The following PRKG1 variants were observed in gnomAD, a reference collection of about 807,000 sequenced individuals.
PRKG1 encodes the protein protein kinase cGMP-dependent 1.
Under a neutral mutation model 88.1 loss-of-function variants are expected in PRKG1, and 35 were observed. That is an observed-to-expected ratio of 0.40 (90% CI 0.30 to 0.53). PRKG1 has a LOEUF of 0.53. PRKG1 is among the 20% of genes least tolerant of loss of function. PRKG1 has a pLI of 0.59. For synonymous variants in PRKG1, 303 were observed against 292.5 expected, an observed-to-expected ratio of 1.04 and a Z score of -0.37; for missense variants, 540 against 839.8, an observed-to-expected ratio of 0.64 and a Z score of 4.41.
At chr10:51,179,886 C>A (rs1228998456) in intron 2 of PRKG1, among the ~76,000 whole-genome samples, 1 of 152,172 alleles carries the variant, frequency 6.6e-6, no homozygotes, top group Non-Finnish European at 1.5e-5. Context: ...TGAAAATAAT[C>A]ATAGTCCCTA....
At chr10:52,172,283 T>G (rs1317032122) in intron 9 of PRKG1, among the ~76,000 whole-genome samples, 1 of 152,224 alleles carries the variant, frequency 6.6e-6, no homozygotes, top group African/African-American at 2.4e-5. Flanking sequence ...TGCTGCTGAC[T>G]TGCTTGGTGA....
At chr10:51,216,336 CAT>C (rs1339815879) in intron 2 of PRKG1, among the ~76,000 whole-genome samples, 2 of 152,204 alleles carry the variant, frequency 1.3e-5, no homozygotes, top group East Asian at 1.9e-4. Context: ...ACTATGGACA[CAT>C]GTTATTGCTC....
At chr10:51,860,439 G>A (rs1840843401) in intron 4 of PRKG1, among the ~76,000 whole-genome samples, 1 of 152,196 alleles carries the variant, frequency 6.6e-6, no homozygotes, top group African/African-American at 2.4e-5. Flanking sequence ...CTGCCCAGAA[G>A]GAAGTGACAC....
intron 3 of PRKG1, among the ~76,000 whole-genome samples, chr10:51,655,884 C>G (rs1840149154): frequency 6.6e-6 from 1 of 152,016 alleles, no homozygotes; most frequent in Admixed American, 6.6e-5. Flanking sequence ...TAGACAGATA[C>G]TGAGTAAGAA....
intron 7 of PRKG1, among the ~76,000 whole-genome samples, chr10:52,115,239 G>GT (rs146497487): frequency 0.11 from 17,142 of 151,020 alleles, 1,215 homozygotes; most frequent in Non-Finnish European, 0.16. Context: ...TGGTAATCCT[G>GT]TTTTTTTTTA....
At chr10:51,613,526 G>C (rs1280825600) in intron 3 of PRKG1, among the ~76,000 whole-genome samples, 1 of 151,392 alleles carries the variant, frequency 6.6e-6, no homozygotes, top group African/African-American at 2.4e-5. Flanking sequence ...GTTCTGTTCT[G>C]ATCTTTATTA....
chr10:51,890,048 A>C (rs1333022755), intron 4 of PRKG1, among the ~76,000 whole-genome samples: 1 of 151,970 alleles, frequency 6.6e-6, no homozygotes, highest in Non-Finnish European at 1.5e-5. Context: ...GCTGTGCAGA[A>C]GCTCTTTAGT....
chr10:51,092,119 TGA>T, intron 1 of PRKG1, among the ~76,000 whole-genome samples: 2 of 152,286 alleles, frequency 1.3e-5, no homozygotes, highest in Middle Eastern at 6.8e-3. Context: ...AGATAAGCAC[TGA>T]TCCCTGAGGT....
At chr10:51,476,114 T>C (rs1588995963) in intron 3 of PRKG1, among the ~76,000 whole-genome samples, 1 of 152,050 alleles carries the variant, frequency 6.6e-6, no homozygotes. Context: ...CTTAGGTGGG[T>C]TGCATAACTC....
chr10:52,094,892 A>G (rs955873338), intron 7 of PRKG1, among the ~76,000 whole-genome samples: 2 of 152,178 alleles, frequency 1.3e-5, no homozygotes, highest in Admixed American at 6.5e-5. Flanking sequence ...GCTTCAACCT[A>G]TGAATTTGAG....
At chr10:51,705,968 C>T (rs1236671591) in intron 3 of PRKG1, among the ~76,000 whole-genome samples, 1 of 152,176 alleles carries the variant, frequency 6.6e-6, no homozygotes, top group Non-Finnish European at 1.5e-5. Flanking sequence ...CGCCTGGGCA[C>T]CATCTCCCTT....
intron 2 of PRKG1, among the ~76,000 whole-genome samples, chr10:51,448,200 A>T (rs1839330326): frequency 6.6e-6 from 1 of 151,944 alleles, no homozygotes; most frequent in Admixed American, 6.6e-5. Flanking sequence ...GTGAATCCTG[A>T]TCATGCCACT....
intron 1 of PRKG1, among the ~76,000 whole-genome samples, chr10:51,082,024 T>G (rs1844124316): frequency 6.6e-6 from 1 of 152,176 alleles, no homozygotes; most frequent in Non-Finnish European, 1.5e-5. Context: ...CCAAAGAAAG[T>G]GCTGGGAATA....
chr10:51,321,944 G>GT (rs1841468337), intron 2 of PRKG1, among the ~76,000 whole-genome samples: 1 of 152,098 alleles, frequency 6.6e-6, no homozygotes, highest in Non-Finnish European at 1.5e-5. Context: ...ACCACAGATG[G>GT]TAAGTCTTAG....
At chr10:51,817,933 CTT>C (rs1474534850) in intron 4 of PRKG1, among the ~76,000 whole-genome samples, 2 of 152,072 alleles carry the variant, frequency 1.3e-5, no homozygotes, top group Non-Finnish European at 2.9e-5. Context: ...AAAGGTAAGA[CTT>C]ATGTATAAAC....
intron 3 of PRKG1, among the ~76,000 whole-genome samples, chr10:51,529,674 C>T (rs1841968792): frequency 6.7e-6 from 1 of 148,674 alleles, no homozygotes; most frequent in East Asian, 2.0e-4. Flanking sequence ...AATAGCAATA[C>T]AGACACACAC....
At chr10:51,571,638 G>C (rs972473736) in intron 3 of PRKG1, among the ~76,000 whole-genome samples, 7 of 151,740 alleles carry the variant, frequency 4.6e-5, no homozygotes, top group Non-Finnish European at 1.0e-4. Flanking sequence ...GAAAATGAGA[G>C]AATATCAAAA....
intron 5 of PRKG1, among the ~76,000 whole-genome samples, chr10:51,967,874 T>C (rs1197075160): frequency 6.6e-6 from 1 of 152,154 alleles, no homozygotes; most frequent in East Asian, 1.9e-4. Context: ...TGGTGCTTCT[T>C]CATTTTCTCA....
rs1030401445 is a variant in PRKG1 at position 51,934,141 on chromosome 10, G to A, written c.762+26571G>A. 2.0e-5 allele frequency among the ~76,000 whole-genome samples: 3 copies of A among 151,854 alleles called. 1 individual carries two copies. The highest frequency in any genetic ancestry group is 4.1e-4 in the South Asian group (2 of 4,820). Reference sequence around the variant, plus strand: ...AAGCTTTGCTCATATGATTCAAAAAGCCATCACCCAGATTCCAAGATCATA... The same window carrying A: ...AAGCTTTGCTCATATGATTCAAAAAACCATCACCCAGATTCCAAGATCATA... On this transcript the variant is annotated intron_variant, in intron 5 of 17. Transcript: ENST00000373980.
Sources: gnomAD v4.1 joint callset for allele counts (sites outside exome capture counted in the v4.1 genomes callset) on GRCh38, gnomAD v4.1.1 for gene constraint, MANE v1.5 for transcripts, NCBI Gene and HGNC (gene_info 2026-07-23, HGNC 2026-07-21) for gene names.